SORCS1: variants seen among roughly 807,000 people sequenced by gnomAD.
SORCS1 encodes the protein VPS10 domain-containing receptor SorCS1.
A neutral mutation model predicts 146.1 loss-of-function variants in SORCS1; 60 were observed. The observed-to-expected ratio is 0.41, with a 90% CI of 0.33 to 0.51. The LOEUF is 0.51. Ranked by LOEUF, SORCS1 falls within the 20% of genes least tolerant of loss-of-function variation. The pLI is 0.21. For synonymous variants in SORCS1, 637 were observed against 584.0 expected, an observed-to-expected ratio of 1.09 and a Z score of -1.31; for missense variants, 1,352 against 1,487.6, an observed-to-expected ratio of 0.91 and a Z score of 1.50.
intron 1 of SORCS1, among the ~76,000 whole-genome samples, chr10:107,005,496 T>G (rs1957403507): frequency 6.6e-6 from 1 of 152,212 alleles, no homozygotes; most frequent in African/African-American, 2.4e-5. Flanking sequence ...AGATAAAATT[T>G]TAACTGAAAG....
intron 1 of SORCS1, among the ~76,000 whole-genome samples, chr10:107,037,360 G>A (rs546339381): frequency 2.6e-4 from 39 of 152,364 alleles, no homozygotes; most frequent in African/African-American, 9.1e-4. Context: ...TGAAGTGTGT[G>A]AGGGCAGGCT....
intron 1 of SORCS1, among the ~76,000 whole-genome samples, chr10:107,052,207 CT>C (rs765330094): frequency 1.8e-4 from 27 of 152,124 alleles, no homozygotes; most frequent in Non-Finnish European, 3.8e-4. Context: ...GGCCTGCTGG[CT>C]ACTTACGAGA....
chr10:106,805,875 G>A (rs902378308), intron 3 of SORCS1, among the ~76,000 whole-genome samples: 5 of 151,072 alleles, frequency 3.3e-5, no homozygotes, highest in Non-Finnish European at 4.4e-5. Context: ...TGGCTAATAC[G>A]GTGAAACCCC....
intron 4 of SORCS1, among the ~76,000 whole-genome samples, chr10:106,763,858 T>A (rs1859336856): frequency 1.3e-5 from 2 of 152,216 alleles, no homozygotes; most frequent in Admixed American, 6.5e-5. Context: ...TACTCTAAAA[T>A]ATCTAAGACC....
At position 107,091,695 on chromosome 10, in the gene SORCS1, G is replaced by T. The variant is rs1463325623; in HGVS notation, c.558+72274C>A. On this transcript the variant is annotated intron_variant, in intron 1 of 25. Coordinates refer to ENST00000263054, the MANE Select transcript of SORCS1 (RefSeq NM_052918.5). ...CTTCTGAAATATTGCTTACCTGAGA[G>T]TCCCTTCAAGATAGAGTAACTGCTG... Among the ~76,000 whole-genome samples, 3 of 152,040 alleles carry T rather than the reference G, an allele frequency of 2.0e-5. No individual in the cohort carries two copies. In the East Asian group the frequency reaches 5.8e-4, roughly 29 times the overall value.
chr10:106,709,383 G>C, intron 6 of SORCS1, 42 bp from the exon 7 acceptor site: 1 of 1,266,790 alleles, frequency 7.9e-7, no homozygotes, highest in South Asian at 1.2e-5. Flanking sequence ...GGTTGAGGGG[G>C]ATATACAGAC....
At chr10:106,952,279 T>TG (rs1589776983) in intron 2 of SORCS1, among the ~76,000 whole-genome samples, 1 of 152,170 alleles carries the variant, frequency 6.6e-6, no homozygotes, top group African/African-American at 2.4e-5. Flanking sequence ...GGGCTGAGAT[T>TG]GGATCCCTGG....
intron 1 of SORCS1, among the ~76,000 whole-genome samples, chr10:107,088,418 G>A (rs565666200): frequency 1.3e-5 from 2 of 152,204 alleles, no homozygotes; most frequent in East Asian, 3.9e-4. Context: ...CAGGCCCTGG[G>A]GGGGACGGTG....
At chr10:107,023,480 T>A (rs570528943) in intron 1 of SORCS1, among the ~76,000 whole-genome samples, 8 of 152,342 alleles carry the variant, frequency 5.3e-5, no homozygotes, top group African/African-American at 1.4e-4. Flanking sequence ...CCCATAAACA[T>A]GTGCTAGAGG....
chr10:106,897,268 A>T (rs1951526452), intron 2 of SORCS1, among the ~76,000 whole-genome samples: 1 of 151,640 alleles, frequency 6.6e-6, no homozygotes, highest in Non-Finnish European at 1.5e-5. Context: ...AGACTCAAGC[A>T]ATCCTCCTGC....
In SORCS1 at chr10:106,576,522, T is replaced by C. The variant is rs937939737; in HGVS notation, c.*898A>G. 7 of 151,986 alleles carry C rather than the reference T, an allele frequency of 4.6e-5. No homozygotes were observed. The highest frequency in any genetic ancestry group is 1.7e-4 in the African/African-American group (7 of 41,326). 9.4% of individuals were successfully genotyped at this position (151,986 alleles called of 1,614,324 possible). A position where few individuals can be genotyped will look rare whatever the true frequency, so the allele number is the denominator to read the frequency against. On this transcript the variant is annotated 3_prime_UTR_variant, in exon 26 of 26. Transcript: ENST00000263054. The stretch of plus-strand genomic sequence containing the variant: ...TTTCCTACTGCAGTTGGGGCAGGAG[T>C]AGGGAAAGCTGCAAGGGGAGGCAAT...
intron 3 of SORCS1, among the ~76,000 whole-genome samples, chr10:106,796,329 A>G (rs1326953839): frequency 2.0e-5 from 3 of 152,210 alleles, no homozygotes; most frequent in Non-Finnish European, 4.4e-5. Context: ...GAAGCTTTAA[A>G]TTATAGAAAC....
intron 5 of SORCS1, among the ~76,000 whole-genome samples, chr10:106,730,885 CT>C (rs1856545866): frequency 6.6e-6 from 1 of 152,152 alleles, no homozygotes; most frequent in African/African-American, 2.4e-5. Flanking sequence ...AAAAATCAGG[CT>C]TTGCAGAACT....
chr10:107,162,448 A>G lies in SORCS1; in HGVS notation c.558+1521T>C, dbSNP rs570118440. ...TAGTGGCTATGATATGAAAGATATAATGGTTAAGGTAAGGAATGAGGGCAA... is the reference window on the plus strand; with the variant it reads ...TAGTGGCTATGATATGAAAGATATAGTGGTTAAGGTAAGGAATGAGGGCAA... On this transcript the variant is annotated intron_variant, in intron 1 of 25. Coordinates refer to ENST00000263054, the MANE Select transcript of SORCS1 (RefSeq NM_052918.5). Among the ~76,000 whole-genome samples, 17 of 152,324 alleles carry G rather than the reference A, an allele frequency of 1.1e-4. No individual in the cohort carries two copies. The East Asian group carries it at 2.9e-3, about 26-fold the overall frequency.
intron 7 of SORCS1, 139 bp from the exon 8 acceptor site, chr10:106,706,773 T>C: frequency 1.3e-6 from 1 of 745,216 alleles, no homozygotes; most frequent in Non-Finnish European, 2.2e-6. Context: ...GTGTAAAGAA[T>C]TGGCCTTCAG....
chr10:106,598,804 A>C (rs1306385235), intron 23 of SORCS1, among the ~76,000 whole-genome samples: 2 of 152,088 alleles, frequency 1.3e-5, no homozygotes, highest in Non-Finnish European at 2.9e-5. Context: ...GTTTGGAAAC[A>C]GACAGTCACC....
chr10:106,577,385 A>T lies in SORCS1; in HGVS notation c.*35T>A. ...TTGACAAGAGCGAAATTCTTTCCTG[A>T]TCAGCAGGTCGCCTGTAGCCTTTGG... On this transcript the variant is annotated 3_prime_UTR_variant, in exon 26 of 26. Coordinates refer to ENST00000263054, the MANE Select transcript of SORCS1 (RefSeq NM_052918.5). The T allele has an allele frequency of 6.2e-7, 1 of 1,613,610 alleles. No individual in the cohort carries two copies. The highest frequency in any genetic ancestry group is 8.5e-7 in the Non-Finnish European group (1 of 1,179,598).
chr10:106,863,008 T>C (rs1290071544), intron 2 of SORCS1, among the ~76,000 whole-genome samples: 1 of 152,150 alleles, frequency 6.6e-6, no homozygotes, highest in Non-Finnish European at 1.5e-5. Flanking sequence ...AGTCTATCCA[T>C]TTTAGAATTA....
chr10:107,039,390 A>G (rs1171601285), intron 1 of SORCS1, among the ~76,000 whole-genome samples: 3 of 152,078 alleles, frequency 2.0e-5, no homozygotes, highest in Non-Finnish European at 4.4e-5. Flanking sequence ...CTAACTGAAA[A>G]TTCTGGCCCT....
Sources: allele counts gnomAD v4.1 joint callset (sites outside exome capture counted in the v4.1 genomes callset), GRCh38; gene constraint gnomAD v4.1.1; transcripts MANE v1.5; gene names NCBI Gene and HGNC (gene_info 2026-07-23, HGNC 2026-07-21).